The following KDR variants were observed in gnomAD, a reference collection of about 807,000 sequenced individuals.
The protein encoded by KDR is vascular endothelial growth factor receptor 2.
Under a neutral mutation model 160.9 loss-of-function variants are expected in KDR, and 43 were observed. The ratio of observed to expected loss-of-function variants is 0.27; its 90% confidence interval spans 0.21 to 0.34. KDR has a LOEUF of 0.34. KDR is among the 10% of genes least tolerant of loss of function. The pLI is 1.00. For synonymous variants in KDR, 617 were observed against 600.1 expected (o/e 1.03, Z -0.41); for missense variants, 1,469 against 1,666.4 (o/e 0.88, Z 2.06).
At position 55,078,959 on chromosome 4, in the gene KDR, G is replaced by C. The variant is rs1719651402; in HGVS notation, c.*982C>G. ...TTGGGGACAGGGGGAAGAACAAAAGGGTAAAATCCTTCCTGAAACTTTGAC... is the reference window on the plus strand; with the variant it reads ...TTGGGGACAGGGGGAAGAACAAAAGCGTAAAATCCTTCCTGAAACTTTGAC... On this transcript the variant is annotated 3_prime_UTR_variant, in exon 30 of 30. Coordinates refer to ENST00000263923, the MANE Select transcript of KDR (RefSeq NM_002253.4). The C allele has an allele frequency of 1.3e-5, 3 of 233,064 alleles. No homozygotes were observed. Among genetic ancestry groups the C allele is most frequent in the Non-Finnish European group, 2.5e-5 (3 of 118,052 alleles). The allele number at this position is 233,064 out of a possible 1,614,324, so 14.4% of individuals were successfully genotyped here.
intron 7 of KDR, among the ~76,000 whole-genome samples, chr4:55,111,709 G>A (rs564991481): frequency 6.6e-6 from 1 of 152,342 alleles, no homozygotes; most frequent in African/African-American, 2.4e-5. Flanking sequence ...ATCTTGGCAA[G>A]TGAAATAATT....
intron 9 of KDR, among the ~76,000 whole-genome samples, chr4:55,109,683 AG>A (rs899554036): frequency 5.9e-5 from 9 of 152,156 alleles, no homozygotes; most frequent in Admixed American, 2.6e-4. Context: ...AGCATATAAA[AG>A]GTTCTGCGAA....
At position 55,080,169 on chromosome 4, in the gene KDR, G is replaced by A; in HGVS notation, c.3849-6C>T. The A allele has an allele frequency of 1.2e-6, 2 of 1,612,080 alleles. No homozygotes were observed. Among genetic ancestry groups the A allele is most frequent in the Non-Finnish European group, 1.7e-6 (2 of 1,179,278 alleles). ...TTTTGCTGGGCACCATTCCACTGCA[G>A]AAGAAATGGCAAACAAAGGAGTTGG... On this transcript the variant is annotated splice_region_variant and splice_polypyrimidine_tract_variant and intron_variant, in intron 29 of 29. Coordinates refer to ENST00000263923, the MANE Select transcript of KDR (RefSeq NM_002253.4).
intron 10 of KDR, 111 bp downstream of exon 10, chr4:55,107,626 G>T: frequency 7.3e-7 from 1 of 1,373,540 alleles, no homozygotes. Context: ...TACCTCTTGA[G>T]AGAAAACTTT....
chr4:55,083,535 T>G (rs1352531958), intron 27 of KDR, among the ~76,000 whole-genome samples: 1 of 152,170 alleles, frequency 6.6e-6, no homozygotes, highest in African/African-American at 2.4e-5. Flanking sequence ...GAACAACAGA[T>G]CCTCTCCTTC....
intron 7 of KDR, among the ~76,000 whole-genome samples, chr4:55,111,665 G>C (rs756572887): frequency 3.9e-5 from 6 of 152,172 alleles, no homozygotes; most frequent in Non-Finnish European, 8.8e-5. Flanking sequence ...ACATAAGCCA[G>C]AGCACATCTC....
chr4:55,090,092 CAT>C lies in KDR; in HGVS notation c.3070-16_3070-15del, dbSNP rs767035218. 6.2e-6 allele frequency: 10 copies of C among 1,613,700 alleles called. No homozygotes were observed. Among genetic ancestry groups the C allele is most frequent in the South Asian group, 3.3e-5 (3 of 91,048 alleles). On this transcript the variant is annotated splice_polypyrimidine_tract_variant and intron_variant, in intron 22 of 29. Coordinates refer to ENST00000263923, the MANE Select transcript of KDR (RefSeq NM_002253.4). Reference sequence around the variant, plus strand: ...CCTGTGGATACACTGCAAAGAGAATCATGTGTGCATTAGGTCTCGGCACAGCT... The same window carrying C: ...CCTGTGGATACACTGCAAAGAGAATCGTGTGCATTAGGTCTCGGCACAGCT...
At chr4:55,122,667 A>T (rs1305572211) in intron 1 of KDR, among the ~76,000 whole-genome samples, 1 of 152,224 alleles carries the variant, frequency 6.6e-6, no homozygotes, top group Non-Finnish European at 1.5e-5. Context: ...TTTTTAAGTC[A>T]ATAATATGGT....
Position 55,125,443 on chromosome 4 carries a change from G to C in KDR, c.-150C>G. 1.1e-6 allele frequency: 1 copy of C among 947,326 alleles called. No individual in the cohort carries two copies. The highest frequency in any genetic ancestry group is 1.5e-5 in the South Asian group (1 of 68,074). 58.7% of individuals were successfully genotyped at this position (947,326 alleles called of 1,614,324 possible). A position where few individuals can be genotyped will look rare whatever the true frequency, so the allele number is the denominator to read the frequency against. On this transcript the variant is annotated 5_prime_UTR_variant, in exon 1 of 30. Transcript: ENST00000263923. Reference sequence around the variant, plus strand: ...CACAGGGCTAGGGAGCCCGGGCGCCGACCGCGGCTGCAGGGGCGTCTGCGG... The same window carrying C: ...CACAGGGCTAGGGAGCCCGGGCGCCCACCGCGGCTGCAGGGGCGTCTGCGG...
chr4:55,082,146 G>A (rs1272075498), intron 28 of KDR, 105 bp from the exon 29 acceptor site: 8 of 880,558 alleles, frequency 9.1e-6, no homozygotes, highest in Non-Finnish European at 1.2e-5. Flanking sequence ...ATCAAATAAG[G>A]TCCTGTGGAA....
chr4:55,105,134 A>G (rs1393082577), intron 12 of KDR, 150 bp from the exon 13 acceptor site: 1 of 689,370 alleles, frequency 1.5e-6, no homozygotes, highest in African/African-American at 1.8e-5. Flanking sequence ...AACAAACTAG[A>G]CAATTCAGGT....
At chr4:55,093,266 T>C (rs997314397) in intron 21 of KDR, among the ~76,000 whole-genome samples, 1 of 152,152 alleles carries the variant, frequency 6.6e-6, no homozygotes, top group Non-Finnish European at 1.5e-5. Context: ...GGGAGGGTGT[T>C]TTTTCCTGAG....
At chr4:55,092,442 T>G (rs1720042014) in intron 22 of KDR, 175 bp downstream of exon 22, 1 of 645,716 alleles carries the variant, frequency 1.5e-6, no homozygotes, top group African/African-American at 1.8e-5. Context: ...TTTCATGAAC[T>G]CCTTAACCAC....
At chr4:55,107,627 A>T in intron 10 of KDR, 110 bp downstream of exon 10, 1 of 1,381,764 alleles carries the variant, frequency 7.2e-7, no homozygotes, top group Non-Finnish European at 1.0e-6. Context: ...ACCTCTTGAG[A>T]GAAAACTTTT....
rs781436645 is a variant in KDR, at chr4:55,082,569, C to T, written c.3729G>A (p.Pro1243=). ...PVSVKTFEDI[P]LEEPEVKVIP... ...TTACTTTTACTTCTGGTTCTTCTAA[C>T]GGGATATCTTCAAATGTTTTTACAC... The change falls in exon 28 of 30, where the codon CCG becomes CCA. Residue 1243 remains proline, a synonymous_variant. Transcript: ENST00000263923. The T allele has an allele frequency of 1.2e-5, 20 of 1,613,548 alleles. No individual in the cohort carries two copies. The highest frequency in any genetic ancestry group is 3.3e-5 in the South Asian group (3 of 91,070).
At position 55,125,255 on chromosome 4, in the gene KDR, G is replaced by T; in HGVS notation, c.39C>A (p.Leu13=). 8.1e-6 allele frequency: 13 copies of T among 1,613,072 alleles called. No homozygotes were observed. Among genetic ancestry groups the T allele is most frequent in the South Asian group, 1.1e-5 (1 of 90,746 alleles). Residue 13 remains leucine (L), a synonymous_variant, in exon 1 of 30, where the codon CTC becomes CTA. Transcript: ENST00000263923. The stretch of plus-strand genomic sequence containing the variant: ...CAGAGGCGGCCCGGGTCTCCACGCA[G>T]AGCCACAGGGCGACGGCCAGCAGCA... ...SKVLLAVALW[L]CVETRAASVG...
rs1719898063 is a variant in KDR, at chr4:55,087,693, G to A, written c.3576C>T (p.Leu1192=). The A allele has an allele frequency of 6.2e-7, 1 of 1,613,860 alleles. No individual in the cohort carries two copies. The highest frequency in any genetic ancestry group is 1.7e-5 in the Admixed American group (1 of 60,006). The change falls in exon 27 of 30, where the codon CTC becomes CTT. Residue 1192 remains leucine (L), a synonymous_variant. Transcript: ENST00000263923. ...ETLSMEEDSG[L]SLPTSPVSCM... ...AGGAAACAGGTGAGGTAGGCAGAGA[G>A]AGTCCAGAATCCTCTTCCATGCTCA...
At chr4:55,091,904 C>A (rs1720027882) in intron 22 of KDR, among the ~76,000 whole-genome samples, 1 of 152,164 alleles carries the variant, frequency 6.6e-6, no homozygotes, top group Admixed American at 6.5e-5. Context: ...TTGTCACGTC[C>A]CCATCTCAGC....
chr4:55,105,058 G>A (rs907615353), intron 12 of KDR, 74 bp from the exon 13 acceptor site: 9 of 1,240,500 alleles, frequency 7.3e-6, no homozygotes, highest in Non-Finnish European at 9.3e-6. Flanking sequence ...GCTGCTTTCA[G>A]ACTACTACAA....
Sources: allele counts gnomAD v4.1 joint callset (sites outside exome capture counted in the v4.1 genomes callset), GRCh38; gene constraint gnomAD v4.1.1; transcripts MANE v1.5; gene names NCBI Gene and HGNC (gene_info 2026-07-23, HGNC 2026-07-21).